Variants in STK32A observed in about 807,000 individuals in gnomAD.
The protein encoded by STK32A is serine/threonine kinase 32A, also known as serine/threonine-protein kinase 32A.
In STK32A, 41 loss-of-function variants were observed where a neutral mutation model predicts 53.2. That is an observed-to-expected ratio of 0.77 (90% CI 0.60 to 1.00). The LOEUF is 1.00. Among genes scored for constraint, STK32A ranks in the 50% least tolerant of loss-of-function variants. STK32A has a pLI of 0.00. For synonymous variants in STK32A, 166 were observed against 162.8 expected (o/e 1.02, Z -0.15); for missense variants, 458 against 485.8 (o/e 0.94, Z 0.54).
Position 147,342,963 on chromosome 5 carries a change from G to A in STK32A, c.435-43G>A, listed in dbSNP as rs202028455. ...TTGCCCCTACCCCTTAGTTCTGTTCGTTTTATTGTGAGCAACTTTCTTTTT... is the reference window on the plus strand; with the variant it reads ...TTGCCCCTACCCCTTAGTTCTGTTCATTTTATTGTGAGCAACTTTCTTTTT... On this transcript the variant is annotated intron_variant, in intron 5 of 12. Coordinates refer to ENST00000397936, the MANE Select transcript of STK32A (RefSeq NM_001112724.2). The A allele has an allele frequency of 9.0e-5, 144 of 1,608,060 alleles. 1 individual carries two copies. The African/African-American group carries it at 9.2e-4, about 10-fold the overall frequency.
At chr5:147,399,375 G>T in the STK32A span, 1 of 1,155,318 alleles carries the variant, frequency 8.7e-7, no homozygotes, top group Middle Eastern at 3.0e-4. Flanking sequence ...CACCTGAAAA[G>T]CTGGTGAGCT....
intron 2 of STK32A, among the ~76,000 whole-genome samples, chr5:147,277,666 T>C (rs765388906): frequency 1.3e-5 from 2 of 152,178 alleles, no homozygotes; most frequent in Admixed American, 6.5e-5. Flanking sequence ...AAGCCATACA[T>C]AGGATGCACC....
chr5:147,323,863 T>C (rs371794711), intron 4 of STK32A, 35 bp from the exon 5 acceptor site: 251 of 1,563,246 alleles, frequency 1.6e-4, no homozygotes, highest in Admixed American at 1.1e-3. Flanking sequence ...TGTGTAAATA[T>C]ATTTGATAAG....
chr5:147,372,061 T>C (rs1757025515), intron 9 of STK32A, among the ~76,000 whole-genome samples: 1 of 152,118 alleles, frequency 6.6e-6, no homozygotes, highest in Non-Finnish European at 1.5e-5. Flanking sequence ...CTGACATGTG[T>C]TACCATTGTA....
the STK32A span, among the ~76,000 whole-genome samples, chr5:147,397,339 C>G: frequency 8.8e-4 from 132 of 150,420 alleles, no homozygotes; most frequent in African/African-American, 3.2e-3. Context: ...ATTCTCGGTT[C>G]TCACCTTCAG....
chr5:147,397,966 A>C, the STK32A span: 54 of 1,021,940 alleles, frequency 5.3e-5, no homozygotes, highest in Non-Finnish European at 6.5e-5. Flanking sequence ...GGAAAAGCTC[A>C]CCATGCATCT....
intron 4 of STK32A, among the ~76,000 whole-genome samples, chr5:147,320,702 A>G (rs921082753): frequency 6.6e-6 from 1 of 152,216 alleles, no homozygotes; most frequent in Admixed American, 6.5e-5. Flanking sequence ...GAGAAGTGAC[A>G]CTTGAGCTAA....
chr5:147,262,052 T>C (rs6890102), intron 2 of STK32A, among the ~76,000 whole-genome samples: 119,191 of 152,092 alleles, frequency 0.78, 47,169 homozygotes, highest in African/African-American at 0.87. Context: ...GAGTAGGTCT[T>C]GAAATGTGGT....
chr5:147,279,189 T>C, intron 3 of STK32A, 58 bp from the exon 4 acceptor site: 1 of 1,522,862 alleles, frequency 6.6e-7, no homozygotes, highest in Non-Finnish European at 8.9e-7. Context: ...GTTCTGTCTC[T>C]CATCACCATG....
intron 2 of STK32A, among the ~76,000 whole-genome samples, chr5:147,276,034 G>A (rs747470103): frequency 4.1e-4 from 62 of 152,134 alleles, no homozygotes; most frequent in Non-Finnish European, 7.2e-4. Context: ...AAATCACTGT[G>A]AGTTATTGGA....
chr5:147,350,396 C>T (rs985374665), intron 6 of STK32A, among the ~76,000 whole-genome samples: 4 of 151,728 alleles, frequency 2.6e-5, no homozygotes, highest in Non-Finnish European at 5.9e-5. Flanking sequence ...TAGTCTCACT[C>T]TGTCACCCAG....
rs550275036 is a variant in STK32A, at chr5:147,249,862, G to A, written c.52+10176G>A. Among the ~76,000 whole-genome samples the A allele has an allele frequency of 5.5e-5, 7 of 127,826 alleles. No homozygotes were observed. The South Asian group carries it at 7.6e-4, about 14-fold the overall frequency. The allele number at this position is 127,826 out of a possible 152,430, so 83.9% of individuals were successfully genotyped here. ...CAGGAGGTGGAGGATTCAGTGAGCC[G>A]AGATCTACTGCACTCCAGCCTGGGC... On this transcript the variant is annotated intron_variant, in intron 2 of 12. Coordinates refer to ENST00000397936, the MANE Select transcript of STK32A (RefSeq NM_001112724.2).
intron 5 of STK32A, among the ~76,000 whole-genome samples, chr5:147,341,241 G>T (rs926904197): frequency 6.6e-6 from 1 of 152,134 alleles, no homozygotes; most frequent in African/African-American, 2.4e-5. Context: ...ATGCAGATCT[G>T]AAAGAGGTGG....
At chr5:147,277,402 C>T (rs1008350131) in intron 2 of STK32A, among the ~76,000 whole-genome samples, 1 of 152,078 alleles carries the variant, frequency 6.6e-6, no homozygotes, top group Admixed American at 6.5e-5. Context: ...TCAACAATTG[C>T]TTCTTCTAGG....
At chr5:147,369,245 A>G (rs999351454) in intron 8 of STK32A, among the ~76,000 whole-genome samples, 1 of 152,126 alleles carries the variant, frequency 6.6e-6, no homozygotes, top group African/African-American at 2.4e-5. Flanking sequence ...TGTTTGAATT[A>G]ATCTCCCTTT....
At chr5:147,348,634 G>C in intron 6 of STK32A, 1 of 745,350 alleles carries the variant, frequency 1.3e-6, no homozygotes, top group Admixed American at 1.9e-5. Flanking sequence ...GACTAAAGTA[G>C]ACAGTTGCAT....
Position 147,338,720 on chromosome 5 carries a change from G to T in STK32A, c.435-4286G>T, listed in dbSNP as rs145609495. Among the ~76,000 whole-genome samples, 61 of 152,330 alleles carry T rather than the reference G, an allele frequency of 4.0e-4. 1 individual carries two copies. The highest frequency in any genetic ancestry group is 1.4e-3 in the African/African-American group (58 of 41,572). On this transcript the variant is annotated intron_variant, in intron 5 of 12. Coordinates refer to ENST00000397936, the MANE Select transcript of STK32A (RefSeq NM_001112724.2). ...GAACTTACCAGGAACTAGAGCAAAA[G>T]TGATTCCTGCTGTGCTTTAGCAAAG...
intron 4 of STK32A, among the ~76,000 whole-genome samples, chr5:147,309,502 C>T (rs188680822): frequency 6.6e-6 from 1 of 152,158 alleles, no homozygotes; most frequent in African/African-American, 2.4e-5. Context: ...AATAGATCAC[C>T]AGTTCATTTT....
chr5:147,380,807 T>C (rs778570293), intron 11 of STK32A, among the ~76,000 whole-genome samples: 44 of 152,338 alleles, frequency 2.9e-4, no homozygotes, highest in South Asian at 1.0e-3. Flanking sequence ...GGATTCAGTA[T>C]AGAGAGATAT....
Sources: gnomAD v4.1 joint callset for allele counts (sites outside exome capture counted in the v4.1 genomes callset) on GRCh38, gnomAD v4.1.1 for gene constraint, MANE v1.5 for transcripts, NCBI Gene and HGNC (gene_info 2026-07-23, HGNC 2026-07-21) for gene names.